PDS5A: variants seen among roughly 807,000 people sequenced by gnomAD.
PDS5A encodes the protein sister chromatid cohesion protein PDS5 homolog A.
Under a neutral mutation model 167.1 loss-of-function variants are expected in PDS5A, and 42 were observed. That is an observed-to-expected ratio of 0.25 (90% CI 0.20 to 0.33). The LOEUF (loss-of-function observed/expected upper bound fraction) is 0.33, where lower values mean the gene tolerates loss of function less well. Among genes scored for constraint, PDS5A ranks in the 10% least tolerant of loss-of-function variants. The pLI is 1.00. For synonymous variants in PDS5A, 553 were observed against 554.6 expected (o/e 1.00, Z 0.04); for missense variants, 1,033 against 1,605.9 (o/e 0.64, Z 6.10).
At chr4:39,897,220 C>A (rs989065355) in intron 16 of PDS5A, among the ~76,000 whole-genome samples, 3 of 151,914 alleles carry the variant, frequency 2.0e-5, no homozygotes, top group Non-Finnish European at 4.4e-5. Context: ...ATGGTGAAAA[C>A]CTACCTCTAC....
chr4:39,837,803 C>A, intron 32 of PDS5A, 53 bp downstream of exon 32: 2 of 1,366,778 alleles, frequency 1.5e-6, no homozygotes, highest in South Asian at 2.7e-5. Context: ...GAATATACTA[C>A]GAATAAAACA....
chr4:39,873,758 A>G (rs7693172), intron 20 of PDS5A, among the ~76,000 whole-genome samples: 69,931 of 152,056 alleles, frequency 0.46, 16,571 homozygotes, highest in East Asian at 0.66. Flanking sequence ...ACATAAACAC[A>G]TAAGGCTAGG....
At chr4:39,966,572 C>T (rs548431255) in intron 2 of PDS5A, among the ~76,000 whole-genome samples, 35 of 152,258 alleles carry the variant, frequency 2.3e-4, no homozygotes, top group African/African-American at 8.4e-4. Context: ...CTTAATTTTT[C>T]GAATTCTTAG....
chr4:39,926,800 A>C lies in PDS5A; in HGVS notation c.404T>G (p.Phe135Cys). ...KGLEDTKSPQ[F>C]NRYFYLLENL... ...CTCTAATAAATAAAAGTATCTATTA[A>C]ACTGTGGACTCTTTGTATCCTCCAA... Residue 135 changes from phenylalanine (F) to cysteine (C), a missense_variant, in exon 4 of 33, where the codon TTT (phenylalanine) becomes TGT (cysteine). Coordinates refer to ENST00000303538, the MANE Select transcript of PDS5A (RefSeq NM_001100399.2). 1 of 1,426,954 alleles carries C rather than the reference A, an allele frequency of 7.0e-7. No homozygotes were observed. Among genetic ancestry groups the C allele is most frequent in the Non-Finnish European group, 9.2e-7 (1 of 1,081,680 alleles). The allele number at this position is 1,426,954 out of a possible 1,614,324, so 88.4% of individuals were successfully genotyped here. A position where few individuals can be genotyped will look rare whatever the true frequency, so the allele number is the denominator to read the frequency against.
At chr4:39,845,635 A>T (rs947792068) in intron 29 of PDS5A, among the ~76,000 whole-genome samples, 183 bp downstream of exon 29, 21 of 152,182 alleles carry the variant, frequency 1.4e-4, no homozygotes, top group African/African-American at 4.3e-4. Context: ...GTGGCATTTC[A>T]GAGGAGTGGT....
At chr4:39,927,792 T>C (rs1725599677) in intron 3 of PDS5A, among the ~76,000 whole-genome samples, 169 bp downstream of exon 3, 1 of 152,152 alleles carries the variant, frequency 6.6e-6, no homozygotes, top group African/African-American at 2.4e-5. Flanking sequence ...AACCCAGTCA[T>C]TTGTGGAAAT....
intron 16 of PDS5A, among the ~76,000 whole-genome samples, chr4:39,896,026 GT>G (rs34412885): frequency 1.1e-3 from 142 of 132,894 alleles, no homozygotes; most frequent in Middle Eastern, 4.1e-3. Flanking sequence ...ACCTGGCCCG[GT>G]TTTTTTTTTT....
chr4:39,976,710 T>C (rs953860735), intron 1 of PDS5A, 93 bp from the exon 2 acceptor site: 8 of 614,206 alleles, frequency 1.3e-5, no homozygotes, highest in Non-Finnish European at 1.8e-5. Flanking sequence ...AAAGGCCCTG[T>C]CTCCCCAGAG....
intron 17 of PDS5A, among the ~76,000 whole-genome samples, chr4:39,881,559 T>C (rs1720933041): frequency 6.6e-6 from 1 of 152,216 alleles, no homozygotes; most frequent in Admixed American, 6.5e-5. Context: ...TAAAGTATAA[T>C]ATACCACACA....
chr4:39,964,520 G>A (rs1174434415), intron 2 of PDS5A, among the ~76,000 whole-genome samples: 1 of 152,120 alleles, frequency 6.6e-6, no homozygotes, highest in Non-Finnish European at 1.5e-5. Context: ...CCTGATCAAC[G>A]TAGAGCGACC....
intron 2 of PDS5A, among the ~76,000 whole-genome samples, chr4:39,945,761 T>C (rs1235792097): frequency 1.3e-5 from 2 of 152,202 alleles, no homozygotes; most frequent in Non-Finnish European, 2.9e-5. Context: ...TAACTGAATG[T>C]CAAGTACTCT....
intron 8 of PDS5A, among the ~76,000 whole-genome samples, chr4:39,916,191 C>CA (rs1382772612): frequency 1.1e-5 from 1 of 89,908 alleles, no homozygotes; most frequent in African/African-American, 3.0e-5. Flanking sequence ...GACTCCGTCT[C>CA]AAAAAAACAA....
chr4:39,883,765 G>A lies in PDS5A; in HGVS notation c.1887-3932C>T, dbSNP rs1052157075. The stretch of plus-strand genomic sequence containing the variant: ...TCCACCTCAGCCTCCCACATAGCTG[G>A]GACCACAGGCGCATGCCATGGTATC... On this transcript the variant is annotated intron_variant, in intron 17 of 32. Coordinates refer to ENST00000303538, the MANE Select transcript of PDS5A (RefSeq NM_001100399.2). Among the ~76,000 whole-genome samples, 5 of 152,088 alleles carry A rather than the reference G, an allele frequency of 3.3e-5. No homozygotes were observed. In the South Asian group the frequency reaches 1.0e-3, roughly 32 times the overall value.
intron 2 of PDS5A, chr4:39,973,674 A>C: frequency 7.7e-7 from 1 of 1,291,124 alleles, no homozygotes; most frequent in Non-Finnish European, 1.1e-6. Flanking sequence ...CATCGTATGT[A>C]GCTTTAGCTC....
intron 2 of PDS5A, among the ~76,000 whole-genome samples, chr4:39,932,296 C>T (rs1726148139): frequency 6.6e-6 from 1 of 152,150 alleles, no homozygotes; most frequent in Non-Finnish European, 1.5e-5. Context: ...GGGAATGTAC[C>T]CACCATGCTA....
At chr4:39,882,534 C>A (rs1344949168) in intron 17 of PDS5A, among the ~76,000 whole-genome samples, 1 of 152,116 alleles carries the variant, frequency 6.6e-6, no homozygotes, top group Admixed American at 6.5e-5. Context: ...AACAAAATTA[C>A]AAGTGTGTTT....
At position 39,927,877 on chromosome 4, in the gene PDS5A, T is replaced by C. The variant is rs1725605455; in HGVS notation, c.342+84A>G. ...GAGACTAATATGAAACCTATGTTCA[T>C]AAAGGTAAAATATAAAAATAAAAGT... On this transcript the variant is annotated intron_variant, in intron 3 of 32. Coordinates refer to ENST00000303538, the MANE Select transcript of PDS5A (RefSeq NM_001100399.2). 6.3e-6 allele frequency: 6 copies of C among 954,924 alleles called. No homozygotes were observed. The South Asian group carries it at 9.8e-5, about 16-fold the overall frequency. 59.2% of individuals were successfully genotyped at this position (954,924 alleles called of 1,614,324 possible). A position where few individuals can be genotyped will look rare whatever the true frequency, so the allele number is the denominator to read the frequency against.
intron 6 of PDS5A, among the ~76,000 whole-genome samples, chr4:39,921,862 G>C (rs1725008410): frequency 6.6e-6 from 1 of 152,148 alleles, no homozygotes; most frequent in Admixed American, 6.6e-5. Context: ...ATAAACTACA[G>C]AATTTTGTAA....
Position 39,976,557 on chromosome 4 carries a change from G to C in PDS5A, c.21C>G (p.Pro7=). The change falls in exon 2 of 33, where the codon CCC becomes CCG. Residue 7 remains proline (P), a synonymous_variant. Transcript: ENST00000303538. Reference sequence around the variant, plus strand: ...CGCCACAGAGGGCAGTGGCAGGCTTGGGCTGCGCGGTGAAGTCCATCCTGG... The same window carrying C: ...CGCCACAGAGGGCAGTGGCAGGCTTCGGCTGCGCGGTGAAGTCCATCCTGG... MDFTAQ[P]KPATALCGVV... is the part of the protein sequence containing the mutation. 1 of 1,612,642 alleles carries C rather than the reference G, an allele frequency of 6.2e-7. No individual in the cohort carries two copies. Among genetic ancestry groups the C allele is most frequent in the Non-Finnish European group, 8.5e-7 (1 of 1,178,880 alleles).
Sources: gnomAD v4.1 joint callset for allele counts (sites outside exome capture counted in the v4.1 genomes callset) on GRCh38, gnomAD v4.1.1 for gene constraint, MANE v1.5 for transcripts, NCBI Gene and HGNC (gene_info 2026-07-23, HGNC 2026-07-21) for gene names.